The following USP22 variants were observed in gnomAD, a reference collection of about 807,000 sequenced individuals.
USP22 encodes the protein ubiquitin carboxyl-terminal hydrolase 22.
USP22 carries 22 observed loss-of-function variants against 68.1 expected under a neutral mutation model. The ratio of observed to expected loss-of-function variants is 0.32; its 90% confidence interval spans 0.23 to 0.46. USP22 has a LOEUF of 0.46. Ranked by LOEUF, USP22 falls within the 20% of genes least tolerant of loss-of-function variation. USP22 has a pLI of 1.00. For missense variants in USP22, 433 were observed against 695.8 expected (o/e 0.62, Z 4.25); for synonymous variants, 279 against 274.2 (o/e 1.02, Z -0.17).
intron 7 of USP22, among the ~76,000 whole-genome samples, chr17:21,012,413 A>C (rs571748050): frequency 6.6e-6 from 1 of 152,212 alleles, no homozygotes; most frequent in African/African-American, 2.4e-5. Flanking sequence ...CCACTACATC[A>C]GAAAATGGAA....
At chr17:21,011,483 G>A in intron 7 of USP22, 174 bp from the exon 8 acceptor site, 1 of 799,030 alleles carries the variant, frequency 1.3e-6, no homozygotes, top group Non-Finnish European at 1.9e-6. Context: ...AACGTGTCCT[G>A]GCTCCCAAGG....
At chr17:21,007,058 T>C in intron 9 of USP22, 71 bp from the exon 10 acceptor site, 1 of 1,303,034 alleles carries the variant, frequency 7.7e-7, no homozygotes. Flanking sequence ...CTTCAGGGCC[T>C]TCTTCTGATG....
rs1034842797 is a variant in USP22 at position 21,003,070 on chromosome 17, G to A, written c.1539C>T (p.Tyr513=). The change falls in exon 13 of 13, where the codon TAC becomes TAT. Residue 513 remains tyrosine (Y), a synonymous_variant. Transcript: ENST00000261497. ...GGAACTGTTTGTGATAGAACAGCAA[G>A]TACCTGTGGAGGCAGAGAGAGGGAG... ...SIKDVLDSEG[Y]LLFYHKQFLE... is the part of the protein sequence containing the mutation. 4 of 1,613,862 alleles carry A rather than the reference G, an allele frequency of 2.5e-6. No homozygotes were observed. Among genetic ancestry groups the A allele is most frequent in the East Asian group, 2.2e-5 (1 of 44,898 alleles).
intron 8 of USP22, among the ~76,000 whole-genome samples, chr17:21,009,108 A>G (rs1201822380): frequency 6.6e-6 from 1 of 151,336 alleles, no homozygotes; most frequent in African/African-American, 2.4e-5. Context: ...AAAAAAAAAA[A>G]AAAAAAAAGG....
intron 2 of USP22, among the ~76,000 whole-genome samples, chr17:21,023,629 T>G (rs1597696622): frequency 1.4e-4 from 17 of 117,948 alleles, no homozygotes; most frequent in African/African-American, 2.4e-4. Context: ...TGGGCGAGAG[T>G]GCCAGACTAT....
At chr17:21,017,571 G>C (rs763597374) in intron 5 of USP22, among the ~76,000 whole-genome samples, 1 of 152,186 alleles carries the variant, frequency 6.6e-6, no homozygotes, top group Non-Finnish European at 1.5e-5. Flanking sequence ...GAGGAGACTC[G>C]CATACCAGGA....
chr17:21,018,303 C>T lies in USP22; in HGVS notation c.521-192G>A, dbSNP rs560613851. On this transcript the variant is annotated intron_variant, in intron 4 of 12. Transcript: ENST00000261497. Reference sequence around the variant, plus strand: ...CATGAACGGTATTGAAGAATGTCCACCACCATGGACCCCTCCCACTTCAGC... The same window carrying T: ...CATGAACGGTATTGAAGAATGTCCATCACCATGGACCCCTCCCACTTCAGC... 3.0e-4 allele frequency: 151 copies of T among 507,896 alleles called. 1 individual carries two copies. Among genetic ancestry groups the T allele is most frequent in the African/African-American group, 2.5e-3 (125 of 50,380 alleles). 31.5% of individuals were successfully genotyped at this position (507,896 alleles called of 1,614,324 possible).
At position 21,007,968 on chromosome 17, in the gene USP22, T is replaced by C; in HGVS notation, c.1132A>G (p.Ser378Gly). 6.2e-7 allele frequency: 1 copy of C among 1,614,126 alleles called. No homozygotes were observed. Residue 378 changes from serine (S) to glycine (G), a missense_variant, in exon 9 of 13, where the codon AGC becomes GGC. By Grantham distance (56) the Ser-to-Gly change is moderately conservative. This residue lies in a region of USP22 where 178 missense variants were observed against 351.5 expected (regional missense o/e 0.51). Coordinates refer to ENST00000261497, the MANE Select transcript of USP22 (RefSeq NM_015276.2). ...CAACCGCTGCACTTGATCTTGGCGC[T>C]GCTGCCCAAGTGCTCTGGTCTGGTG... ...RFTRPEHLGS[S>G]AKIKCSGCHS...
intron 8 of USP22, among the ~76,000 whole-genome samples, chr17:21,009,035 G>T (rs1372444694): frequency 2.1e-5 from 3 of 144,358 alleles, no homozygotes; most frequent in African/African-American, 7.8e-5. Context: ...AGGTTGCAGT[G>T]AGCCGAGATT....
chr17:21,023,871 C>T (rs1454631532), intron 2 of USP22, among the ~76,000 whole-genome samples: 2 of 152,120 alleles, frequency 1.3e-5, no homozygotes, highest in Non-Finnish European at 2.9e-5. Flanking sequence ...TAGTGCTTCC[C>T]AGAGCTGTGT....
At chr17:21,028,260 C>T (rs192178236) in intron 2 of USP22, among the ~76,000 whole-genome samples, 24 of 152,280 alleles carry the variant, frequency 1.6e-4, no homozygotes, top group Admixed American at 1.1e-3. Flanking sequence ...AAGGGTCTGA[C>T]GTTTCATTAG....
chr17:21,027,041 A>G (rs539327789), intron 2 of USP22, among the ~76,000 whole-genome samples: 88 of 151,598 alleles, frequency 5.8e-4, no homozygotes, highest in Non-Finnish European at 1.1e-3. Context: ...CAGTCTGCCC[A>G]CCTTGGTCTC....
intron 1 of USP22, among the ~76,000 whole-genome samples, chr17:21,038,087 A>G (rs2015339864): frequency 6.6e-6 from 1 of 152,234 alleles, no homozygotes; most frequent in African/African-American, 2.4e-5. Context: ...ATAAAATAAA[A>G]AGTAAATTCC....
At chr17:21,029,534 T>C (rs1185495114) in intron 1 of USP22, among the ~76,000 whole-genome samples, 7 of 152,228 alleles carry the variant, frequency 4.6e-5, no homozygotes, top group African/African-American at 1.2e-4. Context: ...ATGCTTATCA[T>C]AGTAGTAACT....
At chr17:21,022,434 TC>T (rs1429342133) in intron 2 of USP22, among the ~76,000 whole-genome samples, 1 of 152,170 alleles carries the variant, frequency 6.6e-6, no homozygotes, top group Non-Finnish European at 1.5e-5. Context: ...AATTATTTTA[TC>T]ATAAAAGTAA....
intron 2 of USP22, among the ~76,000 whole-genome samples, chr17:21,022,581 C>T (rs1443759381): frequency 6.6e-6 from 1 of 152,076 alleles, no homozygotes; most frequent in Non-Finnish European, 1.5e-5. Context: ...AGGCAGATCA[C>T]GAGGTCAGGA....
chr17:21,038,658 CCT>C (rs1486484038), intron 1 of USP22, among the ~76,000 whole-genome samples: 1 of 145,082 alleles, frequency 6.9e-6, no homozygotes, highest in Non-Finnish European at 1.5e-5. Flanking sequence ...AGAGACAGAC[CCT>C]GTCTCAAAAA....
chr17:21,014,009 G>A (rs570831201), intron 6 of USP22, among the ~76,000 whole-genome samples: 1 of 152,356 alleles, frequency 6.6e-6, no homozygotes, highest in East Asian at 1.9e-4. Context: ...GGGAGGCGGA[G>A]GTTGCAGTGA....
chr17:21,016,321 C>T (rs1217908028), intron 5 of USP22, among the ~76,000 whole-genome samples: 1 of 152,236 alleles, frequency 6.6e-6, no homozygotes, highest in Non-Finnish European at 1.5e-5. Context: ...ACAGGATTCT[C>T]TGCCTCTGAG....
Sources: allele counts gnomAD v4.1 joint callset (sites outside exome capture counted in the v4.1 genomes callset), GRCh38; gene constraint gnomAD v4.1.1; regional missense constraint gnomAD v4.1.1; transcripts MANE v1.5; gene names NCBI Gene and HGNC (gene_info 2026-07-23, HGNC 2026-07-21).